CS: variants seen among roughly 807,000 people sequenced by gnomAD.
CS encodes citrate synthase, also known as citrate synthase, mitochondrial.
In CS, 13 loss-of-function variants were observed where a neutral mutation model predicts 61.4. The observed-to-expected ratio is 0.21, with a 90% CI of 0.14 to 0.34. The LOEUF is 0.34. Among genes scored for constraint, CS ranks in the 10% least tolerant of loss-of-function variants. CS has a pLI of 1.00. For missense variants in CS, 278 were observed against 573.4 expected, an observed-to-expected ratio of 0.48 and a Z score of 5.26; for synonymous variants, 159 against 215.2, an observed-to-expected ratio of 0.74 and a Z score of 2.29.
In CS at chr12:56,300,319, G is replaced by A; in HGVS notation, c.-118C>T. The A allele has an allele frequency of 1.8e-6, 2 of 1,133,840 alleles. No individual in the cohort carries two copies. Among genetic ancestry groups the A allele is most frequent in the Non-Finnish European group, 2.5e-6 (2 of 800,538 alleles). 70.2% of individuals were successfully genotyped at this position (1,133,840 alleles called of 1,614,324 possible). A position where few individuals can be genotyped will look rare whatever the true frequency, so the allele number is the denominator to read the frequency against. Reference sequence around the variant, plus strand: ...CGACGGGTTGACAAGGTTGAAAGGAGGCGGCTGAAGGAAAGAGTAGACGAA... The same window carrying A: ...CGACGGGTTGACAAGGTTGAAAGGAAGCGGCTGAAGGAAAGAGTAGACGAA... On this transcript the variant is annotated 5_prime_UTR_variant, in exon 1 of 11. Coordinates refer to ENST00000351328, the MANE Select transcript of CS (RefSeq NM_004077.3).
rs1001099020 is a variant in CS at position 56,285,748 on chromosome 12, C to T, written c.201+168G>A. Among the ~76,000 whole-genome samples, 6 of 152,170 alleles carry T rather than the reference C, an allele frequency of 3.9e-5. No individual in the cohort carries two copies. The East Asian group carries it at 7.7e-4, about 20-fold the overall frequency. On this transcript the variant is annotated intron_variant, in intron 3 of 10. Transcript: ENST00000351328. ...CAATAAGCTAAAAACTGTTGAGAAA[C>T]TATCAGCTGAGCTGCTCAGAATCTG...
intron 1 of CS, among the ~76,000 whole-genome samples, chr12:56,288,346 A>T (rs868359086): frequency 3.2e-4 from 40 of 123,148 alleles, no homozygotes; most frequent in Admixed American, 1.4e-3. Context: ...GCTTTTTAGA[A>T]TTTTTTTTTT....
intron 1 of CS, chr12:56,298,685 T>G: frequency 1.0e-6 from 1 of 985,370 alleles, no homozygotes; most frequent in Non-Finnish European, 1.2e-6. Flanking sequence ...TACTTGCCAC[T>G]GGGTGCCTGG....
At chr12:56,274,207 G>C (rs1030891176) in intron 9 of CS, 1 of 213,842 alleles carries the variant, frequency 4.7e-6, no homozygotes, top group African/African-American at 2.3e-5. Context: ...TGTAATCCCA[G>C]CTACTCGAGA....
intron 1 of CS, among the ~76,000 whole-genome samples, chr12:56,295,918 C>T (rs1415927746): frequency 1.5e-5 from 2 of 131,040 alleles, no homozygotes; most frequent in Non-Finnish European, 3.1e-5. Context: ...CGAGCCACCG[C>T]ACTCTAGCCT....
At chr12:56,275,585 A>AT (rs1872605610) in intron 7 of CS, 3 of 206,248 alleles carry the variant, frequency 1.5e-5, no homozygotes, top group Non-Finnish European at 2.9e-5. Flanking sequence ...AAAAAAAAAA[A>AT]AAAAGCATCC....
In CS at chr12:56,285,947, T is replaced by A; in HGVS notation, c.170A>T (p.Lys57Met). 3 of 1,612,918 alleles carry A rather than the reference T, an allele frequency of 1.9e-6. No individual in the cohort carries two copies. The highest frequency in any genetic ancestry group is 1.1e-5 in the South Asian group (1 of 91,032). ...RIKTFRQQHG[K>M]TVVGQITVDM... is the part of the protein sequence containing the mutation. The stretch of plus-strand genomic sequence containing the variant: ...CACAGTGATTTGGCCCACCACCGTC[T>A]TGCCATGTTGCTGCCTGAAAGTCTT... The change falls in exon 3 of 11, where the codon AAG becomes ATG. Residue 57 changes from lysine (K) to methionine (M), a missense_variant. Lys to Met is a moderately conservative substitution (Grantham distance 95). Transcript: ENST00000351328.
chr12:56,282,399 C>T (rs1375914861), intron 6 of CS, 21 bp downstream of exon 6: 2 of 1,556,150 alleles, frequency 1.3e-6, no homozygotes, highest in South Asian at 1.2e-5. Context: ...ACACACCGAT[C>T]ACCCCACCCA....
At chr12:56,291,287 G>A (rs1414172478) in intron 1 of CS, 2 of 1,047,068 alleles carry the variant, frequency 1.9e-6, no homozygotes, top group African/African-American at 1.7e-5. Flanking sequence ...AGGCAGAGGT[G>A]AATGGATAAT....
In CS at chr12:56,285,981, C is replaced by T. The variant is rs1307399405; in HGVS notation, c.136G>A (p.Ala46Thr). The change falls in exon 3 of 11, where the codon GCC (alanine) becomes ACC (threonine). Residue 46 changes from alanine (A) to threonine (T), a missense_variant. Transcript: ENST00000351328. ...ILADLIPKEQ[A>T]RIKTFRQQHG... ...TGCTGCCTGAAAGTCTTAATTCTGG[C>T]CTGCTCCTTAGGTATCAGGTCAGCC... 3.7e-6 allele frequency: 6 copies of T among 1,613,750 alleles called. No homozygotes were observed. The highest frequency in any genetic ancestry group is 5.1e-6 in the Non-Finnish European group (6 of 1,180,002).
chr12:56,274,728 A>C (rs1311315977), intron 9 of CS, 49 bp downstream of exon 9: 1 of 1,381,788 alleles, frequency 7.2e-7, no homozygotes, highest in Non-Finnish European at 9.8e-7. Flanking sequence ...TCCAAATTGC[A>C]GAACTTGTGT....
intron 1 of CS, among the ~76,000 whole-genome samples, chr12:56,289,864 A>G (rs115265785): frequency 1.3e-3 from 202 of 152,162 alleles, no homozygotes; most frequent in African/African-American, 4.5e-3. Flanking sequence ...TGCTGAGATT[A>G]CCGGCATGAG....
At chr12:56,291,157 C>A in intron 1 of CS, 1 of 847,584 alleles carries the variant, frequency 1.2e-6, no homozygotes, top group Non-Finnish European at 1.6e-6. Flanking sequence ...TAGAACAGTG[C>A]TTTGTGCATA....
chr12:56,298,736 C>T, intron 1 of CS: 1 of 956,644 alleles, frequency 1.0e-6, no homozygotes, highest in Admixed American at 6.2e-5. Context: ...TTTGTGCCAA[C>T]CATGAAAAAT....
In CS at chr12:56,283,793, T is replaced by A; in HGVS notation, c.266A>T (p.Glu89Val). The change falls in exon 4 of 11, where the codon GAG becomes GTG. Residue 89 changes from glutamate (E) to valine (V), a missense_variant and splice_region_variant. By Grantham distance (121) the Glu-to-Val change is moderately radical. Around this residue, in one of 2 missense-constraint regions of CS, gnomAD observed 223 missense variants for 503.5 expected, o/e 0.44. Transcript: ENST00000351328. ...VYETSVLDPD[E>V]GIRFRGFSIP... ...GTAATTGACATGAAGATGTCTTACC[T>A]CATCAGGATCAAGAACTGATGTTTC... 1 of 1,606,500 alleles carries A rather than the reference T, an allele frequency of 6.2e-7. No homozygotes were observed. The highest frequency in any genetic ancestry group is 1.7e-5 in the Admixed American group (1 of 59,970).
In CS at chr12:56,286,613, A is replaced by G. The variant is rs1329298989; in HGVS notation, c.75T>C (p.His25=). The part of the protein sequence containing the change: ...NASCLVLAAR[H]ASASSTNLKD... ...ACCTTACCGTGGAGGAAGCACTGGC[A>G]TGCCGGGCTGCAAGAACAAGACAAG... is the stretch of plus-strand genomic sequence containing the variant. The change falls in exon 2 of 11, where the codon CAT becomes CAC. Residue 25 remains histidine, a synonymous_variant. Transcript: ENST00000351328. 9.3e-6 allele frequency: 15 copies of G among 1,614,028 alleles called. No individual in the cohort carries two copies. The highest frequency in any genetic ancestry group is 1.3e-5 in the African/African-American group (1 of 74,934).
chr12:56,288,841 T>G (rs1484370322), intron 1 of CS, among the ~76,000 whole-genome samples: 1 of 151,434 alleles, frequency 6.6e-6, no homozygotes, highest in East Asian at 1.9e-4. Flanking sequence ...TTTTTTTTTG[T>G]AGAGATGGGG....
chr12:56,282,504 G>A lies in CS; in HGVS notation c.504C>T (p.Leu168=). ...FPTNLHPMSQ[L]SAAVTALNSE... is the part of the protein sequence containing the mutation. ...TGTTGAGGGCTGTAACAGCTGCACT[G>A]AGCTGAGACATGGGGTGTAGATTGG... Residue 168 remains leucine, a synonymous_variant, in exon 6 of 11, where the codon CTC becomes CTT. Transcript: ENST00000351328. 2 of 1,614,120 alleles carry A rather than the reference G, an allele frequency of 1.2e-6. No homozygotes were observed. Among genetic ancestry groups the A allele is most frequent in the Non-Finnish European group, 1.7e-6 (2 of 1,180,012 alleles).
At chr12:56,297,810 T>C (rs930790500) in intron 1 of CS, among the ~76,000 whole-genome samples, 3 of 152,200 alleles carry the variant, frequency 2.0e-5, no homozygotes, top group African/African-American at 7.2e-5. Context: ...CCTCCCAAAG[T>C]CTACCTTACT....
Sources: allele counts gnomAD v4.1 joint callset (sites outside exome capture counted in the v4.1 genomes callset), GRCh38; gene constraint gnomAD v4.1.1; regional missense constraint gnomAD v4.1.1; transcripts MANE v1.5; gene names NCBI Gene and HGNC (gene_info 2026-07-23, HGNC 2026-07-21).